THSD7B: variants seen among roughly 807,000 people sequenced by gnomAD.
THSD7B encodes the protein thrombospondin type-1 domain-containing protein 7B.
Under a neutral mutation model 213.6 loss-of-function variants are expected in THSD7B, and 138 were observed. The ratio of observed to expected loss-of-function variants is 0.65; its 90% CI spans 0.56 to 0.74. THSD7B has a LOEUF of 0.74. THSD7B is among the 30% of genes least tolerant of loss of function. The pLI, the probability that THSD7B is intolerant of heterozygous loss-of-function variation, is 0.00. For synonymous variants in THSD7B, 742 were observed against 687.0 expected (o/e 1.08, Z -1.25); for missense variants, 1,931 against 1,991.5 (o/e 0.97, Z 0.58).
At chr2:137,626,805 G>A (rs61531744) in intron 20 of THSD7B, among the ~76,000 whole-genome samples, 3,940 of 152,244 alleles carry the variant, frequency 0.026, 171 homozygotes, top group African/African-American at 0.091. Context: ...GTAGGGGCAT[G>A]GCCACAATGC....
intron 7 of THSD7B, among the ~76,000 whole-genome samples, chr2:137,193,756 A>G (rs1020937462): frequency 2.0e-5 from 3 of 151,946 alleles, no homozygotes; most frequent in Admixed American, 2.0e-4. Flanking sequence ...CTGGAATATA[A>G]AAGCCAGAAC....
chr2:137,445,267 A>G (rs1305208403), intron 14 of THSD7B, among the ~76,000 whole-genome samples: 1 of 152,102 alleles, frequency 6.6e-6, no homozygotes, highest in Non-Finnish European at 1.5e-5. Context: ...GTATGTAACC[A>G]AAAGAAAGGG....
chr2:137,609,751 T>C (rs1258379845), intron 17 of THSD7B, among the ~76,000 whole-genome samples: 1 of 152,152 alleles, frequency 6.6e-6, no homozygotes, highest in Non-Finnish European at 1.5e-5. Context: ...TTTAAGAAGA[T>C]AGTTCTGGCC....
intron 2 of THSD7B, among the ~76,000 whole-genome samples, chr2:136,891,407 C>CT (rs1160095767): frequency 1.3e-5 from 2 of 152,122 alleles, no homozygotes; most frequent in African/African-American, 2.4e-5. Context: ...GGAGAGCTGG[C>CT]TTTTTTATTA....
chr2:136,967,424 G>A (rs1175643108), intron 2 of THSD7B, among the ~76,000 whole-genome samples: 1 of 152,074 alleles, frequency 6.6e-6, no homozygotes. Context: ...TATTAATTCT[G>A]TCTCATTTCT....
chr2:137,446,030 A>G (rs547808731), intron 14 of THSD7B, among the ~76,000 whole-genome samples: 104 of 152,028 alleles, frequency 6.8e-4, no homozygotes, highest in Non-Finnish European at 1.4e-3. Flanking sequence ...TTGAAAAAAA[A>G]AAAATCTGTT....
chr2:137,675,044 T>G (rs1043651074), intron 27 of THSD7B, among the ~76,000 whole-genome samples: 1 of 151,634 alleles, frequency 6.6e-6, no homozygotes, highest in Admixed American at 6.6e-5. Flanking sequence ...TAACATAAAA[T>G]TCACAATTTT....
Position 137,267,084 on chromosome 2 carries a change from A to T in THSD7B, c.2267-5449A>T, listed in dbSNP as rs531773510. 3.9e-5 allele frequency among the ~76,000 whole-genome samples: 6 copies of T among 152,114 alleles called. No homozygotes were observed. In the South Asian group the frequency reaches 1.2e-3, roughly 32 times the overall value. On this transcript the variant is annotated intron_variant, in intron 10 of 27. Transcript: ENST00000409968. ...GTAGACCTTCACAAAGAATCTATAAACATCTCTCAATGTTTGTAGCCCATT... is the reference window on the plus strand; with the variant it reads ...GTAGACCTTCACAAAGAATCTATAATCATCTCTCAATGTTTGTAGCCCATT...
intron 12 of THSD7B, among the ~76,000 whole-genome samples, chr2:137,368,158 C>T (rs1685462938): frequency 6.6e-6 from 1 of 151,786 alleles, no homozygotes; most frequent in South Asian, 2.1e-4. Flanking sequence ...TGTTTTCTGT[C>T]CCTGTAATTG....
chr2:137,223,541 C>T (rs1016055735), intron 7 of THSD7B, among the ~76,000 whole-genome samples: 7 of 152,138 alleles, frequency 4.6e-5, no homozygotes, highest in Non-Finnish European at 1.5e-5. Flanking sequence ...TCTCACCCAC[C>T]CTGACTACCA....
intron 15 of THSD7B, among the ~76,000 whole-genome samples, chr2:137,500,406 C>T (rs549323322): frequency 4.6e-5 from 7 of 152,288 alleles, no homozygotes; most frequent in Non-Finnish European, 5.9e-5. Flanking sequence ...GTCAGGCTAA[C>T]GGCCCTGCTG....
intron 1 of THSD7B, among the ~76,000 whole-genome samples, chr2:136,830,557 A>G (rs1333526757): frequency 1.3e-5 from 2 of 152,162 alleles, no homozygotes; most frequent in African/African-American, 4.8e-5. Context: ...ATAGATTTTC[A>G]TGGGGATACT....
chr2:137,065,629 T>A (rs1490591996), intron 3 of THSD7B, among the ~76,000 whole-genome samples: 1 of 152,080 alleles, frequency 6.6e-6, no homozygotes, highest in Non-Finnish European at 1.5e-5. Context: ...CCTCTCTTCC[T>A]CTGTCCTCTC....
chr2:137,610,831 T>C (rs1410674418), intron 17 of THSD7B, among the ~76,000 whole-genome samples: 1 of 151,922 alleles, frequency 6.6e-6, no homozygotes, highest in Non-Finnish European at 1.5e-5. Flanking sequence ...AATTTGATAA[T>C]TGTATTGTTC....
intron 2 of THSD7B, among the ~76,000 whole-genome samples, chr2:136,964,364 A>G (rs940573680): frequency 1.3e-5 from 2 of 151,954 alleles, no homozygotes; most frequent in Non-Finnish European, 2.9e-5. Context: ...GTTCAAGGTT[A>G]CAGTGAGCCA....
chr2:137,432,097 A>T (rs1266586274), intron 14 of THSD7B, among the ~76,000 whole-genome samples: 2 of 152,202 alleles, frequency 1.3e-5, no homozygotes, highest in Non-Finnish European at 2.9e-5. Flanking sequence ...AAAAAAAATT[A>T]AAAACTTGTC....
chr2:136,936,631 AG>A (rs773888412), intron 2 of THSD7B, among the ~76,000 whole-genome samples: 1 of 152,172 alleles, frequency 6.6e-6, no homozygotes, highest in Non-Finnish European at 1.5e-5. Context: ...GAGGATGCAA[AG>A]GAATAAAAAT....
Position 137,214,637 on chromosome 2 carries a change from G to A in THSD7B, c.1724-16407G>A, listed in dbSNP as rs191013643. ...GTGATGTTCCCCTCCCTGTGTCCAT[G>A]TGTTCTCATTGTTCAACTCCCACTT... On this transcript the variant is annotated intron_variant, in intron 7 of 27. Coordinates refer to ENST00000409968, the MANE Select transcript of THSD7B (RefSeq NM_001316349.2). Among the ~76,000 whole-genome samples the A allele has an allele frequency of 2.2e-3, 324 of 149,936 alleles. 1 individual carries two copies. Among genetic ancestry groups the A allele is most frequent in the African/African-American group, 7.6e-3 (307 of 40,610 alleles).
intron 7 of THSD7B, among the ~76,000 whole-genome samples, chr2:137,220,219 G>A (rs577073669): frequency 1.4e-5 from 2 of 144,292 alleles, no homozygotes; most frequent in African/African-American, 2.6e-5. Context: ...AACTTTCTCT[G>A]CAGAAGACAC....
Sources: gnomAD v4.1 joint callset for allele counts (sites outside exome capture counted in the v4.1 genomes callset) on GRCh38, gnomAD v4.1.1 for gene constraint, MANE v1.5 for transcripts, NCBI Gene and HGNC (gene_info 2026-07-23, HGNC 2026-07-21) for gene names.